The following RCAN2 variants were observed in gnomAD, a reference collection of about 807,000 sequenced individuals.
The protein encoded by RCAN2 is calcipressin-2.
A neutral mutation model predicts 23.6 loss-of-function variants in RCAN2; 9 were observed. The observed-to-expected ratio is 0.38, with a 90% CI of 0.23 to 0.67. RCAN2 has a LOEUF of 0.67. Ranked by LOEUF, RCAN2 falls within the 30% of genes least tolerant of loss-of-function variation. RCAN2 has a pLI of 0.51. For synonymous variants in RCAN2, 109 were observed against 115.7 expected, an observed-to-expected ratio of 0.94 and a Z score of 0.37; for missense variants, 273 against 302.3, an observed-to-expected ratio of 0.90 and a Z score of 0.72.
chr6:46,225,180 C>T (rs1765619893), intron 4 of RCAN2, among the ~76,000 whole-genome samples: 1 of 152,182 alleles, frequency 6.6e-6, no homozygotes, highest in African/African-American at 2.4e-5. Flanking sequence ...TCCAGTCTAT[C>T]ATTGATGGAC....
intron 2 of RCAN2, among the ~76,000 whole-genome samples, chr6:46,299,615 T>A (rs1762838645): frequency 6.6e-6 from 1 of 152,014 alleles, no homozygotes; most frequent in Admixed American, 6.6e-5. Flanking sequence ...GATGAAAACC[T>A]ATCCTGTTAT....
At chr6:46,457,855 A>AT (rs1768088696) in intron 1 of RCAN2, among the ~76,000 whole-genome samples, 1 of 151,658 alleles carries the variant, frequency 6.6e-6, no homozygotes, top group Non-Finnish European at 1.5e-5. Flanking sequence ...CCCTTCTATT[A>AT]TTTTTTCACC....
At chr6:46,224,255 T>C (rs775526683) in intron 4 of RCAN2, among the ~76,000 whole-genome samples, 1 of 152,204 alleles carries the variant, frequency 6.6e-6, no homozygotes, top group Non-Finnish European at 1.5e-5. Flanking sequence ...TTCAACTTCA[T>C]TGTTGACATA....
intron 2 of RCAN2, among the ~76,000 whole-genome samples, chr6:46,343,968 G>T (rs928537014): frequency 6.6e-6 from 1 of 152,156 alleles, no homozygotes; most frequent in Non-Finnish European, 1.5e-5. Flanking sequence ...TAAATTAAAA[G>T]AAGCAAGGCA....
intron 2 of RCAN2, among the ~76,000 whole-genome samples, chr6:46,307,137 T>C (rs1395482465): frequency 6.6e-6 from 1 of 152,090 alleles, no homozygotes; most frequent in African/African-American, 2.4e-5. Context: ...GAATTTTAAA[T>C]TCATCAATTA....
intron 2 of RCAN2, among the ~76,000 whole-genome samples, chr6:46,420,209 A>G (rs572128650): frequency 1.3e-5 from 2 of 152,156 alleles, no homozygotes; most frequent in Non-Finnish European, 2.9e-5. Context: ...TAGAGCATTT[A>G]AACAAATGTT....
intron 4 of RCAN2, among the ~76,000 whole-genome samples, chr6:46,240,732 A>G (rs1223850506): frequency 6.6e-6 from 1 of 152,218 alleles, no homozygotes; most frequent in Non-Finnish European, 1.5e-5. Context: ...CTACCTCTGA[A>G]TCAGAGCCTG....
rs190813682 is a variant in RCAN2, at chr6:46,329,968, G to C, written c.226-81072C>G. On this transcript the variant is annotated intron_variant, in intron 2 of 4. Transcript: ENST00000371374. ...AGCTGTGGTAGCAGCAGCCAAGCCT[G>C]TTTGGCTAATGAGCATAGAAGTTCC... 6.4e-4 allele frequency among the ~76,000 whole-genome samples: 98 copies of C among 152,352 alleles called. 1 individual carries two copies. Among genetic ancestry groups the C allele is most frequent in the African/African-American group, 2.2e-3 (91 of 41,588 alleles).
rs868818244 is a variant in RCAN2, at chr6:46,263,547, G to A, written c.226-14651C>T. On this transcript the variant is annotated intron_variant, in intron 2 of 4. Transcript: ENST00000371374. Reference sequence around the variant, plus strand: ...TGTGTGTGTGTGTGTGTATGTGTGTGTGTGTGTGTGTGTATGTGTGTGTGT... The same window carrying A: ...TGTGTGTGTGTGTGTGTATGTGTGTATGTGTGTGTGTGTATGTGTGTGTGT... Among the ~76,000 whole-genome samples the A allele has an allele frequency of 7.6e-3, 900 of 119,172 alleles. 16 individuals are homozygous for A. Among genetic ancestry groups the A allele is most frequent in the African/African-American group, 0.014 (438 of 32,312 alleles). 78.2% of individuals were successfully genotyped at this position (119,172 alleles called of 152,430 possible).
chr6:46,402,687 G>T (rs915116739), intron 2 of RCAN2, among the ~76,000 whole-genome samples: 1 of 152,092 alleles, frequency 6.6e-6, no homozygotes, highest in African/African-American at 2.4e-5. Flanking sequence ...GCCCTGCTGG[G>T]TTTTCCCACT....
chr6:46,322,484 A>G (rs558434026), intron 2 of RCAN2, among the ~76,000 whole-genome samples: 1 of 152,346 alleles, frequency 6.6e-6, no homozygotes, highest in African/African-American at 2.4e-5. Flanking sequence ...CCCCTAATAC[A>G]ATCAGCTGAG....
intron 1 of RCAN2, among the ~76,000 whole-genome samples, chr6:46,479,157 G>A (rs996249176): frequency 6.6e-6 from 1 of 152,190 alleles, no homozygotes; most frequent in Non-Finnish European, 1.5e-5. Flanking sequence ...CCCCTGATGG[G>A]TGTGAAATCA....
At chr6:46,443,576 G>A (rs2150424086) in intron 2 of RCAN2, among the ~76,000 whole-genome samples, 1 of 151,978 alleles carries the variant, frequency 6.6e-6, no homozygotes, top group East Asian at 1.9e-4. Flanking sequence ...AAATAAATCT[G>A]CTTAAGACAC....
intron 1 of RCAN2, among the ~76,000 whole-genome samples, chr6:46,461,660 A>G (rs1768214160): frequency 1.3e-5 from 2 of 151,176 alleles, no homozygotes; most frequent in African/African-American, 4.9e-5. Context: ...ATCTTGACTC[A>G]TCGCAACTTC....
intron 2 of RCAN2, among the ~76,000 whole-genome samples, chr6:46,281,679 G>T (rs1042264660): frequency 1.3e-5 from 2 of 152,122 alleles, no homozygotes; most frequent in Admixed American, 6.5e-5. Flanking sequence ...CTCTTATTTT[G>T]TTATTTTTCT....
At chr6:46,296,097 G>C (rs1357501317) in intron 2 of RCAN2, among the ~76,000 whole-genome samples, 1 of 150,022 alleles carries the variant, frequency 6.7e-6, no homozygotes, top group African/African-American at 2.5e-5. Context: ...GTGTGTGTGT[G>C]TGTGTGTCTG....
intron 4 of RCAN2, among the ~76,000 whole-genome samples, chr6:46,230,279 G>A (rs1006478745): frequency 6.6e-6 from 1 of 152,174 alleles, no homozygotes; most frequent in Non-Finnish European, 1.5e-5. Context: ...TCCGTGCTTG[G>A]AGAACCACTA....
chr6:46,476,138 C>A (rs530114839), intron 1 of RCAN2, among the ~76,000 whole-genome samples: 15 of 152,148 alleles, frequency 9.9e-5, no homozygotes, highest in Non-Finnish European at 2.1e-4. Flanking sequence ...ATCACCAGGG[C>A]AGTTATTATA....
In RCAN2 at chr6:46,325,474, T is replaced by A. The variant is rs1003601051; in HGVS notation, c.226-76578A>T. 3 of 1,614,020 alleles carry A rather than the reference T, an allele frequency of 1.9e-6. No individual in the cohort carries two copies. The Admixed American group carries it at 5.0e-5, about 27-fold the overall frequency. Reference sequence around the variant, plus strand: ...AAACATCACAGTCCATGCTAGGGGCTGGCATTCCCCCTTCTGAATTTTTAA... The same window carrying A: ...AAACATCACAGTCCATGCTAGGGGCAGGCATTCCCCCTTCTGAATTTTTAA... On this transcript the variant is annotated intron_variant, in intron 2 of 4. Transcript: ENST00000371374.
Sources: allele counts gnomAD v4.1 joint callset (sites outside exome capture counted in the v4.1 genomes callset), GRCh38; gene constraint gnomAD v4.1.1; transcripts MANE v1.5; gene names NCBI Gene and HGNC (gene_info 2026-07-23, HGNC 2026-07-21).